Variants in SYNPO observed in about 807,000 individuals in gnomAD.
The protein encoded by SYNPO is synaptopodin.
SYNPO carries 19 observed loss-of-function variants against 49.5 expected under a neutral mutation model. The ratio of observed to expected loss-of-function variants is 0.38; its 90% CI spans 0.27 to 0.56. SYNPO has a LOEUF of 0.56. Ranked by LOEUF, SYNPO falls within the 20% of genes least tolerant of loss-of-function variation. SYNPO has a pLI of 0.68. For missense variants in SYNPO, 1,131 were observed against 1,248.3 expected (o/e 0.91, Z 1.42); for synonymous variants, 536 against 548.0 (o/e 0.98, Z 0.31).
rs181293497 is a variant in SYNPO at position 150,607,498 on chromosome 5, G to C, written c.-266+6310G>C. 2.7e-3 allele frequency among the ~76,000 whole-genome samples: 410 copies of C among 152,298 alleles called. 3 individuals are homozygous for C. The highest frequency in any genetic ancestry group is 9.0e-3 in the African/African-American group (373 of 41,560). On this transcript the variant is annotated intron_variant, in intron 1 of 2. Coordinates refer to the SYNPO transcript ENST00000394243. The stretch of plus-strand genomic sequence containing the variant: ...AAGGAATCACTTAGCCCAATGCCAA[G>C]GGGTGCCAGGATAGCTGATCTTTAT...
Position 150,657,432 on chromosome 5 carries a change from T to TCACACACACACACACA in SYNPO, c.*375_*390dup, listed in dbSNP as rs58828199. On this transcript the variant is annotated 3_prime_UTR_variant, in exon 3 of 3. Transcript: ENST00000307662. ...CTCTCTCTTTCTCTCTCTCTCTCTC[T>TCACACACACACACACA]CACACACACACACACACACACACAC... is the stretch of plus-strand genomic sequence containing the variant. The TCACACACACACACACA allele has an allele frequency of 7.2e-6, 1 of 138,998 alleles. No homozygotes were observed. Among genetic ancestry groups the TCACACACACACACACA allele is most frequent in the Non-Finnish European group, 1.5e-5 (1 of 66,174 alleles). 8.6% of individuals were successfully genotyped at this position (138,998 alleles called of 1,614,324 possible).
At chr5:150,619,036 TAA>T (rs575017152) in intron 2 of SYNPO, among the ~76,000 whole-genome samples, 25 of 141,804 alleles carry the variant, frequency 1.8e-4, no homozygotes, top group African/African-American at 2.6e-4. Context: ...CTTGCTTGGC[TAA>T]AAAAAAAAAA....
intron 1 of SYNPO, among the ~76,000 whole-genome samples, chr5:150,641,126 A>G (rs538601470): frequency 7.2e-5 from 11 of 152,348 alleles, no homozygotes; most frequent in African/African-American, 2.6e-4. Flanking sequence ...GACCCCAGTC[A>G]GATTGCGCTC....
chr5:150,652,994 T>C (rs1181997946), intron 2 of SYNPO: 1 of 152,152 alleles, frequency 6.6e-6, no homozygotes, highest in Admixed American at 6.5e-5. Context: ...TCAGAGACCA[T>C]TTGGTCTCCG....
At chr5:150,594,739 G>T in the SYNPO span, among the ~76,000 whole-genome samples, 1 of 152,212 alleles carries the variant, frequency 6.6e-6, no homozygotes, top group African/African-American at 2.4e-5. Flanking sequence ...AACCTGGGGA[G>T]GTGGGCGTGG....
In SYNPO at chr5:150,656,803, C is replaced by A; in HGVS notation, c.2428C>A (p.Pro810Thr). 1 of 1,463,862 alleles carries A rather than the reference C, an allele frequency of 6.8e-7. No homozygotes were observed. Among genetic ancestry groups the A allele is most frequent in the Non-Finnish European group, 9.0e-7 (1 of 1,111,782 alleles). The allele number at this position is 1,463,862 out of a possible 1,614,324, so 90.7% of individuals were successfully genotyped here. ...PRMRSPQPAR[P>T]GSAAVPGAAF... ...CATGCGCTCGCCACAGCCCGCCCGC[C>A]CCGGCTCGGCTGCTGTGCCGGGGGC... is the stretch of plus-strand genomic sequence containing the variant. The change falls in exon 3 of 3, where the codon CCC (proline) becomes ACC (threonine). Residue 810 changes from proline (P) to threonine (T), a missense_variant. Transcript: ENST00000307662.
At chr5:150,607,043 G>A (rs1756714115) in intron 1 of SYNPO, among the ~76,000 whole-genome samples, 2 of 151,940 alleles carry the variant, frequency 1.3e-5, no homozygotes, top group African/African-American at 4.8e-5. Context: ...GGGGGAGGGG[G>A]AGGGGGTTAT....
Position 150,648,975 on chromosome 5 carries a change from T to A in SYNPO, c.700T>A (p.Ser234Thr). 1 of 1,614,118 alleles carries A rather than the reference T, an allele frequency of 6.2e-7. No individual in the cohort carries two copies. The highest frequency in any genetic ancestry group is 8.5e-7 in the Non-Finnish European group (1 of 1,180,004). The change falls in exon 2 of 3, where the codon TCA becomes ACA. Residue 234 changes from serine (S) to threonine (T), a missense_variant. Physicochemically the swap from Ser to Thr is moderately conservative, Grantham distance 58. Transcript: ENST00000307662. This position sits in a 1 kb window ranked among gnomAD's most constrained non-coding sequence, Gnocchi z 5.0. Reference sequence around the variant, plus strand: ...CCACTTCACACTGGCCAAGCCCCCATCAGTGGTCAACAGGACGGCCAGGCC... The same window carrying A: ...CCACTTCACACTGGCCAAGCCCCCAACAGTGGTCAACAGGACGGCCAGGCC... ...EVHFTLAKPPSVVNRTARPFG... is the reference protein window; with the variant it reads ...EVHFTLAKPPTVVNRTARPFG...
chr5:150,635,235 G>T (rs1363269677), intron 2 of SYNPO, among the ~76,000 whole-genome samples: 1 of 152,236 alleles, frequency 6.6e-6, no homozygotes, highest in Non-Finnish European at 1.5e-5. Context: ...CCCCCTCTGT[G>T]GGTGTGCATG....
chr5:150,595,217 C>G, the SYNPO span, among the ~76,000 whole-genome samples: 1 of 152,178 alleles, frequency 6.6e-6, no homozygotes, highest in Non-Finnish European at 1.5e-5. Context: ...GGGATTTGCA[C>G]ATCTTAGATC....
intron 2 of SYNPO, among the ~76,000 whole-genome samples, chr5:150,621,936 T>G (rs1283914337): frequency 1.3e-5 from 2 of 152,190 alleles, no homozygotes; most frequent in Non-Finnish European, 2.9e-5. Flanking sequence ...GACAGCCCCA[T>G]GCTAAGCTGC....
intron 2 of SYNPO, chr5:150,654,059 G>A (rs1033114982): frequency 4.6e-5 from 7 of 152,148 alleles, no homozygotes; most frequent in Admixed American, 6.5e-5. Context: ...TCAGTTGGAT[G>A]AGAGGATGAC....
At chr5:150,655,327 T>C (rs955871721) in intron 2 of SYNPO, among the ~76,000 whole-genome samples, 3 of 152,228 alleles carry the variant, frequency 2.0e-5, no homozygotes, top group Non-Finnish European at 4.4e-5. Context: ...TCATGAGCTC[T>C]AGGCCCCACC....
chr5:150,648,191 C>A lies in SYNPO; in HGVS notation c.-85C>A. ...TCCCAGGCCATGCACCGGGGCTCAG[C>A]CTGAGTTCCACCTCGCTGCCGGAGC... On this transcript the variant is annotated 5_prime_UTR_variant, in exon 2 of 3. Transcript: ENST00000307662. This position sits in a 1 kb window ranked among gnomAD's most constrained non-coding sequence, Gnocchi z 5.0. 6.3e-7 allele frequency: 1 copy of A among 1,583,774 alleles called. No homozygotes were observed.
intron 2 of SYNPO, among the ~76,000 whole-genome samples, chr5:150,634,621 C>T (rs781418206): frequency 3.6e-4 from 54 of 152,078 alleles, no homozygotes; most frequent in Non-Finnish European, 7.2e-4. Flanking sequence ...GAGTTTGAGA[C>T]CAGCCTGGGC....
exon 2 of SYNPO, chr5:150,618,598 G>A (rs756018320): frequency 1.5e-4 from 236 of 1,551,234 alleles, no homozygotes; most frequent in Non-Finnish European, 1.8e-4. Context: ...AGGGGACACC[G>A]CAGCTGCCCA....
At position 150,649,728 on chromosome 5, in the gene SYNPO, G is replaced by A. The variant is rs1471406177; in HGVS notation, c.1453G>A (p.Ala485Thr). The A allele has an allele frequency of 1.2e-6, 2 of 1,612,572 alleles. No individual in the cohort carries two copies. The highest frequency in any genetic ancestry group is 1.1e-5 in the South Asian group (1 of 91,086). Residue 485 changes from alanine to threonine, a missense_variant, in exon 2 of 3, where the codon GCC (alanine) becomes ACC (threonine). Around this residue, in one of 4 missense-constraint regions of SYNPO, gnomAD observed 602 missense variants for 720.7 expected, o/e 0.84. Coordinates refer to ENST00000307662, the MANE Select transcript of SYNPO (RefSeq NM_007286.6). ...EASGKGAELY[A>T]RRQSRMEKYV... ...CTCTGGGAAGGGAGCTGAGCTCTAC[G>A]CCCGCCGCCAGTCACGGATGGAGAA... is the stretch of plus-strand genomic sequence containing the variant.
chr5:150,651,134 T>C, intron 2 of SYNPO: 1 of 1,054,336 alleles, frequency 9.5e-7, no homozygotes, highest in Middle Eastern at 4.5e-4. Flanking sequence ...GAGAGCCCTG[T>C]AGGGGGCTGT....
Position 150,659,194 on chromosome 5 carries a change from A to G in SYNPO, c.*2107A>G, listed in dbSNP as rs1758671320. ...AGAATGCAGCTCTGGCCCTCAATAA[A>G]TGCTTCCTGCATTCTTCTGCCTCCT... On this transcript the variant is annotated 3_prime_UTR_variant, in exon 3 of 3. Coordinates refer to ENST00000307662, the MANE Select transcript of SYNPO (RefSeq NM_007286.6). 1 of 152,410 alleles carries G rather than the reference A, an allele frequency of 6.6e-6. No homozygotes were observed. Among genetic ancestry groups the G allele is most frequent in the Non-Finnish European group, 1.5e-5 (1 of 68,142 alleles). 9.4% of individuals were successfully genotyped at this position (152,410 alleles called of 1,614,324 possible).
Sources: gnomAD v4.1 joint callset for allele counts (sites outside exome capture counted in the v4.1 genomes callset) on GRCh38, gnomAD v4.1.1 for gene constraint, gnomAD v4.1.1 regional missense constraint, Gnocchi (gnomAD v3.1) non-coding constraint, MANE v1.5 for transcripts, NCBI Gene and HGNC (gene_info 2026-07-23, HGNC 2026-07-21) for gene names.